Variants in GNAT3 observed in about 807,000 individuals in gnomAD.
The protein encoded by GNAT3 is G protein subunit alpha transducin 3.
In GNAT3, 31 loss-of-function variants were observed where a neutral mutation model predicts 37.7. That is an observed-to-expected ratio of 0.82 (90% CI 0.62 to 1.11). The LOEUF is 1.11. Ranked by LOEUF, GNAT3 falls within the 50% of genes most tolerant of loss-of-function variation. The pLI is 0.00. For synonymous variants in GNAT3, 138 were observed against 139.8 expected, an observed-to-expected ratio of 0.99 and a Z score of 0.09; for missense variants, 437 against 412.5, an observed-to-expected ratio of 1.06 and a Z score of -0.51.
intron 4 of GNAT3, among the ~76,000 whole-genome samples, chr7:80,477,075 T>C (rs1184703629): frequency 1.3e-5 from 2 of 152,126 alleles, no homozygotes; most frequent in East Asian, 3.8e-4. Flanking sequence ...AATTTTACTA[T>C]GAATCTATAA....
chr7:80,493,419 G>T (rs1427276024), intron 2 of GNAT3, among the ~76,000 whole-genome samples: 1 of 152,094 alleles, frequency 6.6e-6, no homozygotes, highest in Non-Finnish European at 1.5e-5. Flanking sequence ...TTAAATATTG[G>T]TTGATATAAA....
chr7:80,468,914 CAATA>C (rs1790165486), intron 5 of GNAT3, among the ~76,000 whole-genome samples: 1 of 152,054 alleles, frequency 6.6e-6, no homozygotes, highest in Non-Finnish European at 1.5e-5. Flanking sequence ...AAAGCCATCA[CAATA>C]AATTCTGTCA....
chr7:80,511,187 T>C lies in GNAT3; in HGVS notation c.118+622A>G, dbSNP rs1414388516. On this transcript the variant is annotated intron_variant, in intron 1 of 7. Transcript: ENST00000398291. ...GAGTTTTGAAAGAAGGAAAAAAAAA[T>C]AAAAGAGACATAAATCCTGACCTGA... is the stretch of plus-strand genomic sequence containing the variant. 2.6e-5 allele frequency among the ~76,000 whole-genome samples: 4 copies of C among 151,860 alleles called. No homozygotes were observed. In the South Asian group the frequency reaches 8.3e-4, roughly 32 times the overall value.
rs75013617 is a variant in GNAT3, at chr7:80,497,786, T to C, written c.119-3139A>G. Among the ~76,000 whole-genome samples the C allele has an allele frequency of 4.6e-3, 706 of 152,006 alleles. 4 individuals carry two copies. The highest frequency in any genetic ancestry group is 0.016 in the African/African-American group (673 of 41,514). On this transcript the variant is annotated intron_variant, in intron 1 of 7. Coordinates refer to ENST00000398291, the MANE Select transcript of GNAT3 (RefSeq NM_001102386.3). Reference sequence around the variant, plus strand: ...GCTCATGCAGGTATGTTTAATGTTGTATTTTGTTCAACCAAAGTATTCAAC... The same window carrying C: ...GCTCATGCAGGTATGTTTAATGTTGCATTTTGTTCAACCAAAGTATTCAAC...
chr7:80,471,860 G>C (rs1192790424), intron 5 of GNAT3, among the ~76,000 whole-genome samples: 1 of 152,008 alleles, frequency 6.6e-6, no homozygotes, highest in Non-Finnish European at 1.5e-5. Flanking sequence ...AACCAAGATT[G>C]CTTATCCTGA....
Position 80,511,796 on chromosome 7 carries a change from G to A in GNAT3, c.118+13C>T. The A allele has an allele frequency of 6.4e-7, 1 of 1,555,180 alleles. No individual in the cohort carries two copies. Among genetic ancestry groups the A allele is most frequent in the Non-Finnish European group, 8.8e-7 (1 of 1,132,014 alleles). ...AAGTCAGGTTTTTGAAAGCAAAAGG[G>A]AAAAGAAATTACCTAATAGTAGCAG... On this transcript the variant is annotated intron_variant, in intron 1 of 7. Transcript: ENST00000398291.
chr7:80,459,351 C>T (rs1190593034), intron 7 of GNAT3, among the ~76,000 whole-genome samples: 1 of 152,126 alleles, frequency 6.6e-6, no homozygotes, highest in Non-Finnish European at 1.5e-5. Context: ...GGTCGGGAAA[C>T]AGACTGAGCT....
chr7:80,462,769 T>A, intron 5 of GNAT3, 138 bp from the exon 6 acceptor site: 1 of 591,470 alleles, frequency 1.7e-6, no homozygotes, highest in Non-Finnish European at 2.7e-6. Context: ...ATTATAAAAT[T>A]AAATTTATTT....
At chr7:80,478,310 G>A (rs1231413473) in intron 4 of GNAT3, among the ~76,000 whole-genome samples, 2 of 152,164 alleles carry the variant, frequency 1.3e-5, no homozygotes, top group African/African-American at 4.8e-5. Flanking sequence ...GATGATACAA[G>A]CAGTGAAATT....
intron 5 of GNAT3, among the ~76,000 whole-genome samples, chr7:80,473,371 T>A (rs946111881): frequency 1.3e-5 from 2 of 152,176 alleles, no homozygotes; most frequent in Admixed American, 1.3e-4. Context: ...GAAGCTTTTA[T>A]CTTACTAAAA....
chr7:80,482,505 TTTTGTTTG>T (rs770082717), intron 3 of GNAT3, among the ~76,000 whole-genome samples: 2 of 151,856 alleles, frequency 1.3e-5, no homozygotes, highest in African/African-American at 2.4e-5. Context: ...TTTTTTGTTT[TTTTGTTTG>T]TTTGTTTGTT....
At chr7:80,486,860 A>C (rs1204945278) in intron 3 of GNAT3, among the ~76,000 whole-genome samples, 1 of 151,944 alleles carries the variant, frequency 6.6e-6, no homozygotes, top group East Asian at 1.9e-4. Flanking sequence ...AATAAGTAGC[A>C]ATAGGCAAGA....
intron 3 of GNAT3, among the ~76,000 whole-genome samples, chr7:80,483,236 C>T (rs1446862430): frequency 6.6e-6 from 1 of 152,062 alleles, no homozygotes; most frequent in East Asian, 1.9e-4. Context: ...TGGCAATATA[C>T]AGTTGTTATT....
At chr7:80,472,997 C>T (rs1282648340) in intron 5 of GNAT3, among the ~76,000 whole-genome samples, 1 of 152,060 alleles carries the variant, frequency 6.6e-6, no homozygotes, top group Non-Finnish European at 1.5e-5. Flanking sequence ...AAAATGTTTT[C>T]ACTGGCGTGG....
intron 7 of GNAT3, among the ~76,000 whole-genome samples, chr7:80,461,289 T>C (rs1790045566): frequency 6.6e-6 from 1 of 152,130 alleles, no homozygotes; most frequent in South Asian, 2.1e-4. Flanking sequence ...GGCTCACACC[T>C]GTAATCCCAG....
At position 80,460,480 on chromosome 7, in the gene GNAT3, C is replaced by T. The variant is rs576898141; in HGVS notation, c.875-1619G>A. Among the ~76,000 whole-genome samples, 14 of 152,200 alleles carry T rather than the reference C, an allele frequency of 9.2e-5. No homozygotes were observed. The South Asian group carries it at 1.5e-3, about 16-fold the overall frequency. ...ATTAAATGATGGACTTGGCCGGGGACGGTGGCTCATGCCTGTAATCCTAAC... is the reference window on the plus strand; with the variant it reads ...ATTAAATGATGGACTTGGCCGGGGATGGTGGCTCATGCCTGTAATCCTAAC... On this transcript the variant is annotated intron_variant, in intron 7 of 7. Transcript: ENST00000398291.
intron 1 of GNAT3, among the ~76,000 whole-genome samples, chr7:80,498,584 C>T (rs1405094602): frequency 6.6e-6 from 1 of 152,162 alleles, no homozygotes; most frequent in Non-Finnish European, 1.5e-5. Context: ...GAGCCCCATT[C>T]TCACAATAAT....
At chr7:80,505,734 T>C (rs7800673) in intron 1 of GNAT3, among the ~76,000 whole-genome samples, 17,997 of 152,188 alleles carry the variant, frequency 0.12, 1,216 homozygotes, top group African/African-American at 0.18. Context: ...TGAAATATAC[T>C]GAGACAGGAA....
At chr7:80,481,112 A>G (rs1418107874) in intron 3 of GNAT3, among the ~76,000 whole-genome samples, 1 of 152,178 alleles carries the variant, frequency 6.6e-6, no homozygotes, top group Non-Finnish European at 1.5e-5. Context: ...AAAAATAAGG[A>G]TATGTCACTT....
Sources: allele counts gnomAD v4.1 joint callset (sites outside exome capture counted in the v4.1 genomes callset), GRCh38; gene constraint gnomAD v4.1.1; transcripts MANE v1.5; gene names NCBI Gene and HGNC (gene_info 2026-07-23, HGNC 2026-07-21).